SERPINC1: variants seen among roughly 807,000 people sequenced by gnomAD.
The protein encoded by SERPINC1 is antithrombin-III.
In SERPINC1, 12 loss-of-function variants were observed where a neutral mutation model predicts 43.4. The ratio of observed to expected loss-of-function variants is 0.28; its 90% CI spans 0.18 to 0.45. SERPINC1 has a LOEUF of 0.45. SERPINC1 is among the 20% of genes least tolerant of loss of function. The pLI is 1.00. For synonymous variants in SERPINC1, 210 were observed against 218.9 expected (o/e 0.96, Z 0.36); for missense variants, 423 against 578.8 (o/e 0.73, Z 2.76).
At chr1:173,910,609 G>T (rs1657728641) in intron 4 of SERPINC1, 145 bp downstream of exon 4, 2 of 685,102 alleles carry the variant, frequency 2.9e-6, no homozygotes, top group Non-Finnish European at 5.1e-6. Context: ...ATAATAGATT[G>T]ACCTGCCCTG....
At chr1:173,907,889 G>A (rs1326585849) in intron 5 of SERPINC1, among the ~76,000 whole-genome samples, 1 of 151,808 alleles carries the variant, frequency 6.6e-6, no homozygotes, top group African/African-American at 2.4e-5. Context: ...ACTGAGGCAG[G>A]AGAATCGCTT....
At chr1:173,904,926 C>T (rs1657427782) in intron 6 of SERPINC1, among the ~76,000 whole-genome samples, 1 of 152,098 alleles carries the variant, frequency 6.6e-6, no homozygotes, top group African/African-American at 2.4e-5. Context: ...CTCAGGTCTA[C>T]AATTAGTTGG....
intron 1 of SERPINC1, among the ~76,000 whole-genome samples, chr1:173,915,816 C>T (rs1310772795): frequency 6.6e-6 from 1 of 152,242 alleles, no homozygotes; most frequent in Non-Finnish European, 1.5e-5. Context: ...CCACCAGGAA[C>T]TCCTACAAGT....
chr1:173,907,100 C>T (rs1252574703), intron 6 of SERPINC1, among the ~76,000 whole-genome samples: 4 of 150,182 alleles, frequency 2.7e-5, no homozygotes, highest in Admixed American at 6.6e-5. Context: ...GGGCAACGAG[C>T]GAACGAAGCT....
chr1:173,916,965 A>G (rs1310112598), intron 1 of SERPINC1, among the ~76,000 whole-genome samples: 2 of 152,126 alleles, frequency 1.3e-5, no homozygotes, highest in Non-Finnish European at 2.9e-5. Context: ...CCTGCACAGC[A>G]TCTTTACACC....
Position 173,909,626 on chromosome 1 carries a change from C to T in SERPINC1, c.1079G>A (p.Gly360Asp), listed in dbSNP as rs1410177368. Residue 360 changes from glycine to aspartate, a missense_variant, in exon 5 of 7, where the codon GGC (glycine) becomes GAC (aspartate). Transcript: ENST00000367698. The stretch of plus-strand genomic sequence containing the variant: ...TTGCAGCTGCTCCTTCAAACTGAAG[C>T]CGTCCTCAATGCGGAAGCGGGGCAT... ...VHMPRFRIED[G>D]FSLKEQLQDM... The T allele has an allele frequency of 6.2e-7, 1 of 1,614,026 alleles. No individual in the cohort carries two copies. The highest frequency in any genetic ancestry group is 1.7e-5 in the Admixed American group (1 of 60,024).
chr1:173,908,363 G>A (rs762000265), intron 5 of SERPINC1, among the ~76,000 whole-genome samples: 3 of 151,398 alleles, frequency 2.0e-5, no homozygotes, highest in Non-Finnish European at 4.4e-5. Context: ...GGTGGCAGGC[G>A]CCTGTAATCC....
chr1:173,910,085 T>G, intron 4 of SERPINC1, 143 bp from the exon 5 acceptor site: 1 of 834,674 alleles, frequency 1.2e-6, no homozygotes, highest in Non-Finnish European at 1.9e-6. Flanking sequence ...AGGTTAACAA[T>G]GGCTGTGTCA....
chr1:173,905,430 T>C (rs1254871530), intron 6 of SERPINC1, among the ~76,000 whole-genome samples: 1 of 151,616 alleles, frequency 6.6e-6, no homozygotes, highest in Non-Finnish European at 1.5e-5. Context: ...AATTAAAATA[T>C]CTCAGTAGGC....
chr1:173,915,076 G>A, intron 1 of SERPINC1, 157 bp from the exon 2 acceptor site: 1 of 1,506,330 alleles, frequency 6.6e-7, no homozygotes, highest in Admixed American at 2.1e-5. Flanking sequence ...CCCGGGACAG[G>A]TTCAGTCCTA....
intron 4 of SERPINC1, 103 bp from the exon 5 acceptor site, chr1:173,910,045 G>A (rs1294959155): frequency 1.8e-5 from 22 of 1,192,080 alleles, no homozygotes; most frequent in South Asian, 2.6e-5. Flanking sequence ...ATAATTATTC[G>A]GAAAAAAGAC....
intron 6 of SERPINC1, 68 bp from the exon 7 acceptor site, chr1:173,904,133 CCA>C: frequency 6.9e-7 from 1 of 1,442,256 alleles, no homozygotes; most frequent in South Asian, 1.1e-5. Context: ...GGTAAATCAT[CCA>C]CAGACACAGC....
intron 5 of SERPINC1, among the ~76,000 whole-genome samples, chr1:173,908,021 A>AATAATC (rs1297200283): frequency 4.7e-5 from 7 of 147,990 alleles, no homozygotes; most frequent in African/African-American, 1.7e-4. Context: ...TAATAATAAT[A>AATAATC]ATAATAAAAG....
At chr1:173,913,303 GATCA>G (rs1248579372) in intron 2 of SERPINC1, among the ~76,000 whole-genome samples, 1 of 152,110 alleles carries the variant, frequency 6.6e-6, no homozygotes, top group African/African-American at 2.4e-5. Context: ...GGCCAACAGT[GATCA>G]ATCAATCTAT....
rs866519137 is a variant in SERPINC1 at position 173,907,305 on chromosome 1, T to G, written c.1218+145A>C. Reference sequence around the variant, plus strand: ...GAGGGAAGGCAGAACAATCACACCATGAAGGTTTTGGAGAGGGCTGTATTA... The same window carrying G: ...GAGGGAAGGCAGAACAATCACACCAGGAAGGTTTTGGAGAGGGCTGTATTA... On this transcript the variant is annotated intron_variant, in intron 6 of 6. Transcript: ENST00000367698. 8.3e-6 allele frequency: 6 copies of G among 724,896 alleles called. 1 individual carries two copies. The highest frequency in any genetic ancestry group is 7.2e-4 in the Middle Eastern group (2 of 2,764). 44.9% of individuals were successfully genotyped at this position (724,896 alleles called of 1,614,324 possible). A position where few individuals can be genotyped will look rare whatever the true frequency, so the allele number is the denominator to read the frequency against.
chr1:173,911,983 G>A lies in SERPINC1; in HGVS notation c.440C>T (p.Thr147Ile). Residue 147 changes from threonine (T) to isoleucine (I), a missense_variant, in exon 3 of 7, where the codon ACA (threonine) becomes ATA (isoleucine). Physicochemically the swap from Thr to Ile is moderately conservative, Grantham distance 89 (BLOSUM62 -1). Transcript: ENST00000367698. ...VFKFDTISEK[T>I]SDQIHFFFAK... The stretch of plus-strand genomic sequence containing the variant: ...AAAGAAGAAGTGGATCTGATCAGAT[G>A]TTTTCTCAGATATGGTGTCAAACTT... 6.2e-7 allele frequency: 1 copy of A among 1,614,026 alleles called. No individual in the cohort carries two copies. Among genetic ancestry groups the A allele is most frequent in the African/African-American group, 1.3e-5 (1 of 75,026 alleles).
intron 1 of SERPINC1, among the ~76,000 whole-genome samples, chr1:173,916,400 G>A (rs1319728349): frequency 6.6e-6 from 1 of 152,198 alleles, no homozygotes; most frequent in Non-Finnish European, 1.5e-5. Context: ...AGCTGAGGGG[G>A]ACTTGCCTTC....
In SERPINC1 at chr1:173,916,402, C is replaced by T. The variant is rs534233914; in HGVS notation, c.41+817G>A. 2.0e-5 allele frequency among the ~76,000 whole-genome samples: 3 copies of T among 152,312 alleles called. No individual in the cohort carries two copies. The South Asian group carries it at 6.2e-4, about 32-fold the overall frequency. On this transcript the variant is annotated intron_variant, in intron 1 of 6. Coordinates refer to ENST00000367698, the MANE Select transcript of SERPINC1 (RefSeq NM_000488.4). ...TGGAAGCTGGGGCAGCTGAGGGGGA[C>T]TTGCCTTCTTGCGTGGTCTGAGTCC...
At chr1:173,910,301 G>A (rs547365770) in intron 4 of SERPINC1, among the ~76,000 whole-genome samples, 12 of 152,256 alleles carry the variant, frequency 7.9e-5, no homozygotes, top group Admixed American at 3.3e-4. Flanking sequence ...CCAATCTGCC[G>A]GGCGCGGTGG....
Sources: allele counts gnomAD v4.1 joint callset (sites outside exome capture counted in the v4.1 genomes callset), GRCh38; gene constraint gnomAD v4.1.1; transcripts MANE v1.5; gene names NCBI Gene and HGNC (gene_info 2026-07-23, HGNC 2026-07-21).